Variants in SCN3A observed in about 807,000 individuals in gnomAD.
SCN3A encodes sodium voltage-gated channel alpha subunit 3, also known as sodium channel protein type 3 subunit alpha.
SCN3A carries 60 observed loss-of-function variants against 187.6 expected under a neutral mutation model. The ratio of observed to expected loss-of-function variants is 0.32; its 90% CI spans 0.26 to 0.40. The LOEUF (loss-of-function observed/expected upper bound fraction) is 0.40, where lower values mean the gene tolerates loss of function less well. SCN3A is among the 10% of genes least tolerant of loss of function. SCN3A has a pLI of 1.00. For missense variants in SCN3A, 1,601 were observed against 2,428.2 expected, an observed-to-expected ratio of 0.66 and a Z score of 7.16; for synonymous variants, 788 against 829.2, an observed-to-expected ratio of 0.95 and a Z score of 0.85.
rs559888025 is a variant in SCN3A, at chr2:165,117,083, G to A, written c.3394-1508C>T. ...TTTTATTCATTTAAGAAAGACCTAG[G>A]AAAATTACTGCTGGGTAGAATTGTA... On this transcript the variant is annotated intron_variant, in intron 18 of 27. Coordinates refer to ENST00000283254, the MANE Select transcript of SCN3A (RefSeq NM_006922.4). Among the ~76,000 whole-genome samples the A allele has an allele frequency of 2.2e-4, 34 of 151,566 alleles. No homozygotes were observed. In the East Asian group the frequency reaches 6.0e-3, roughly 27 times the overall value.
intron 21 of SCN3A, among the ~76,000 whole-genome samples, chr2:165,109,796 T>C (rs1686030599): frequency 6.6e-6 from 1 of 152,240 alleles, no homozygotes; most frequent in Admixed American, 6.5e-5. Flanking sequence ...ATAGATTACA[T>C]AATGTTAACA....
At chr2:165,122,509 G>T (rs763625615) in intron 18 of SCN3A, among the ~76,000 whole-genome samples, 1 of 152,004 alleles carries the variant, frequency 6.6e-6, no homozygotes, top group Non-Finnish European at 1.5e-5. Flanking sequence ...CTACATCCCT[G>T]ACTATATTGA....
At position 165,140,857 on chromosome 2, in the gene SCN3A, C is replaced by T. The variant is rs755167692; in HGVS notation, c.1813G>A (p.Glu605Lys). The T allele has an allele frequency of 4.3e-5, 70 of 1,614,008 alleles. No homozygotes were observed. The highest frequency in any genetic ancestry group is 5.8e-5 in the Non-Finnish European group (68 of 1,180,036). Residue 605 changes from glutamate (E) to lysine (K), a missense_variant, in exon 13 of 28, where the codon GAA (glutamate) becomes AAA (lysine). Glu to Lys is a moderately conservative substitution (Grantham distance 56). Transcript: ENST00000283254. The surrounding 1 kb of genome is among the most constrained non-coding windows in gnomAD (Gnocchi z 4.2). ...ACAAACAGTGAGTCTCTCCTGCTTT[C>T]GCTGTCTTCAAATGTGCTGTGTTCA... ...DDEHSTFEDS[E>K]SRRDSLFVPH...
chr2:165,154,854 T>C (rs1688922206), intron 10 of SCN3A, among the ~76,000 whole-genome samples, 196 bp from the exon 11 acceptor site: 1 of 152,212 alleles, frequency 6.6e-6, no homozygotes, highest in African/African-American at 2.4e-5. Flanking sequence ...GACTGCAGTC[T>C]TGTTGGATAT....
At chr2:165,175,280 T>C (rs1377656387) in intron 3 of SCN3A, among the ~76,000 whole-genome samples, 1 of 152,208 alleles carries the variant, frequency 6.6e-6, no homozygotes, top group African/African-American at 2.4e-5. Flanking sequence ...AAAATATAAA[T>C]CGTGGTTATA....
At chr2:165,168,667 A>C in intron 5 of SCN3A, 69 bp downstream of exon 5, 1 of 1,063,014 alleles carries the variant, frequency 9.4e-7, no homozygotes, top group South Asian at 1.2e-5. Flanking sequence ...AAGTCAGGCT[A>C]TACCCACAAG....
intron 21 of SCN3A, 106 bp from the exon 22 acceptor site, chr2:165,100,530 TA>T: frequency 8.5e-7 from 1 of 1,174,310 alleles, no homozygotes; most frequent in African/African-American, 1.5e-5. Context: ...AATTTGGACA[TA>T]CCTTGGCAAC....
At chr2:165,161,540 A>G (rs1689397454) in intron 9 of SCN3A, among the ~76,000 whole-genome samples, 1 of 152,200 alleles carries the variant, frequency 6.6e-6, no homozygotes, top group South Asian at 2.1e-4. Flanking sequence ...TTAGATTTTT[A>G]TGGCTACACC....
intron 21 of SCN3A, among the ~76,000 whole-genome samples, chr2:165,111,803 T>A (rs1359811219): frequency 6.6e-6 from 1 of 152,116 alleles, no homozygotes; most frequent in Non-Finnish European, 1.5e-5. Flanking sequence ...ATGTTGAAAT[T>A]CATCTCTATT....
At chr2:165,138,370 T>A (rs559280481) in intron 14 of SCN3A, among the ~76,000 whole-genome samples, 1 of 152,314 alleles carries the variant, frequency 6.6e-6, no homozygotes, top group East Asian at 1.9e-4. Context: ...GCTTTTAAAA[T>A]GACTAGGTTA....
In SCN3A at chr2:165,170,464, C is replaced by T. The variant is rs2105910546; in HGVS notation, c.349G>A (p.Val117Ile). 7.4e-6 allele frequency: 12 copies of T among 1,610,860 alleles called. No homozygotes were observed. The highest frequency in any genetic ancestry group is 1.0e-5 in the Non-Finnish European group (12 of 1,177,754). ...ALYILTPLNP[V>I]RKIAIKILVH... ...AAAATCTTGATAGCAATTTTCCTAA[C>T]AGGGTTTAGTGGAGTTAAAATATAC... The change falls in exon 4 of 28, where the codon GTT becomes ATT. Residue 117 changes from valine to isoleucine, a missense_variant. Val to Ile is a conservative substitution (Grantham distance 29, BLOSUM62 3). This residue lies in a region of SCN3A where 122 missense variants were observed against 225.1 expected (regional missense o/e 0.54). Transcript: ENST00000283254.
At chr2:165,184,338 G>A (rs923748724) in intron 2 of SCN3A, among the ~76,000 whole-genome samples, 3 of 151,986 alleles carry the variant, frequency 2.0e-5, no homozygotes, top group African/African-American at 7.2e-5. Context: ...ACACTGTCAT[G>A]CCATATATGC....
At chr2:165,091,477 C>T in intron 27 of SCN3A, 132 bp from the exon 28 acceptor site, 1 of 1,099,194 alleles carries the variant, frequency 9.1e-7, no homozygotes, top group Non-Finnish European at 1.3e-6. Context: ...TGGATCCACT[C>T]CCTGACATTA....
At chr2:165,118,039 G>A (rs1225260776) in intron 18 of SCN3A, among the ~76,000 whole-genome samples, 1 of 152,124 alleles carries the variant, frequency 6.6e-6, no homozygotes, top group Non-Finnish European at 1.5e-5. Flanking sequence ...AATGACAACG[G>A]AATCAATCGT....
intron 1 of SCN3A, among the ~76,000 whole-genome samples, chr2:165,201,542 A>C (rs1024746569): frequency 6.6e-6 from 1 of 152,050 alleles, no homozygotes; most frequent in African/African-American, 2.4e-5. Flanking sequence ...CCAAGCACTG[A>C]ACAGACATTA....
rs937750755 is a variant in SCN3A, at chr2:165,089,321, A to T, written c.*829T>A. 1 of 152,650 alleles carries T rather than the reference A, an allele frequency of 6.6e-6. No homozygotes were observed. Among genetic ancestry groups the T allele is most frequent in the Non-Finnish European group, 1.5e-5 (1 of 68,018 alleles). 9.5% of individuals were successfully genotyped at this position (152,650 alleles called of 1,614,324 possible). A position where few individuals can be genotyped will look rare whatever the true frequency, so the allele number is the denominator to read the frequency against. ...AAGCAATACTGCAGCAGAAAGTGGAACAACTATTCTAAAGCAATACTTTAG... is the reference window on the plus strand; with the variant it reads ...AAGCAATACTGCAGCAGAAAGTGGATCAACTATTCTAAAGCAATACTTTAG... On this transcript the variant is annotated 3_prime_UTR_variant, in exon 28 of 28. Transcript: ENST00000283254.
chr2:165,156,352 A>G (rs2105868910), intron 9 of SCN3A, among the ~76,000 whole-genome samples: 1 of 150,010 alleles, frequency 6.7e-6, no homozygotes, highest in East Asian at 2.0e-4. Flanking sequence ...TAAAAATACA[A>G]AAAAAAAACA....
rs184041452 is a variant in SCN3A, at chr2:165,158,746, T to G, written c.1032-2843A>C. Among the ~76,000 whole-genome samples, 2 of 138,280 alleles carry G rather than the reference T, an allele frequency of 1.4e-5. 1 individual carries two copies. Among genetic ancestry groups the G allele is most frequent in the East Asian group, 5.6e-4 (2 of 3,570 alleles). The allele number at this position is 138,280 out of a possible 152,430, so 90.7% of individuals were successfully genotyped here. A position where few individuals can be genotyped will look rare whatever the true frequency, so the allele number is the denominator to read the frequency against. On this transcript the variant is annotated intron_variant, in intron 9 of 27. Transcript: ENST00000283254. ...TGTTTGTATCTTGATAGCTCATTTC[T>G]TTTTAATCACTCAGTAATATTTTAT...
chr2:165,170,268 C>T (rs1046891478), intron 4 of SCN3A, among the ~76,000 whole-genome samples, 162 bp downstream of exon 4: 2 of 151,810 alleles, frequency 1.3e-5, no homozygotes, highest in African/African-American at 4.8e-5. Flanking sequence ...CTATAATACT[C>T]TCATTATAAA....
Sources: allele counts gnomAD v4.1 joint callset (sites outside exome capture counted in the v4.1 genomes callset), GRCh38; gene constraint gnomAD v4.1.1; regional missense constraint gnomAD v4.1.1; non-coding constraint Gnocchi (gnomAD v3.1); transcripts MANE v1.5; gene names NCBI Gene and HGNC (gene_info 2026-07-23, HGNC 2026-07-21).